The following VPS13B variants were observed in gnomAD, a reference collection of about 807,000 sequenced individuals.
VPS13B encodes the protein intermembrane lipid transfer protein VPS13B.
A neutral mutation model predicts 426.4 loss-of-function variants in VPS13B; 285 were observed. The ratio of observed to expected loss-of-function variants is 0.67; its 90% CI spans 0.61 to 0.74. VPS13B has a LOEUF of 0.74. Ranked by LOEUF, VPS13B falls within the 30% of genes least tolerant of loss-of-function variation. The probability of loss-of-function intolerance (pLI) is 0.00; values close to 1 mark genes in which losing one functional copy is unlikely to be tolerated. For missense variants in VPS13B, 4,537 were observed against 4,782.6 expected (o/e 0.95, Z 1.51); for synonymous variants, 1,676 against 1,676.4 (o/e 1.00, Z 0.01).
chr8:99,874,408 C>T (rs921287780), intron 61 of VPS13B, among the ~76,000 whole-genome samples: 6 of 152,134 alleles, frequency 3.9e-5, no homozygotes, highest in Non-Finnish European at 8.8e-5. Flanking sequence ...ATTCTTCTAG[C>T]AAGCCTCTTT....
chr8:99,677,270 A>G (rs559993737), intron 35 of VPS13B, among the ~76,000 whole-genome samples: 3 of 152,282 alleles, frequency 2.0e-5, no homozygotes, highest in Non-Finnish European at 2.9e-5. Context: ...TCCTGCCTCT[A>G]TCTTAATTCA....
Position 99,441,696 on chromosome 8 carries a change from C to A in VPS13B, c.3211-705C>A, listed in dbSNP as rs1427685488. Among the ~76,000 whole-genome samples the A allele has an allele frequency of 5.9e-5, 9 of 152,132 alleles. 1 individual carries two copies. In the South Asian group the frequency reaches 1.9e-3, roughly 32 times the overall value. ...ATCTTAACCTCTGAGGTCCTGGCAA[C>A]TTAATGTAACTCTACTGGGGATAGG... On this transcript the variant is annotated intron_variant, in intron 22 of 61. Coordinates refer to ENST00000357162, the MANE Select transcript of VPS13B (RefSeq NM_152564.5).
chr8:99,863,577 T>C (rs920977334), intron 58 of VPS13B, among the ~76,000 whole-genome samples: 10 of 152,018 alleles, frequency 6.6e-5, no homozygotes, highest in Admixed American at 1.3e-4. Flanking sequence ...TCCAGTCTCT[T>C]CCCAGTCAGA....
intron 19 of VPS13B, among the ~76,000 whole-genome samples, chr8:99,280,219 C>T (rs1364395358): frequency 1.3e-5 from 2 of 152,066 alleles, no homozygotes; most frequent in African/African-American, 4.8e-5. Flanking sequence ...TTCTCACAAC[C>T]ATCCTTACCC....
chr8:99,428,333 C>T (rs1299929009), intron 21 of VPS13B, among the ~76,000 whole-genome samples: 1 of 152,074 alleles, frequency 6.6e-6, no homozygotes, highest in Non-Finnish European at 1.5e-5. Context: ...AAGAAACTAC[C>T]ATCAGAGTGA....
chr8:99,518,265 G>T (rs1399954287), intron 29 of VPS13B, among the ~76,000 whole-genome samples: 1 of 152,128 alleles, frequency 6.6e-6, no homozygotes, highest in African/African-American at 2.4e-5. Context: ...TTGTGGTACG[G>T]TTTATTCTCC....
At chr8:99,207,685 AATAG>A (rs1814811016) in intron 17 of VPS13B, among the ~76,000 whole-genome samples, 1 of 152,214 alleles carries the variant, frequency 6.6e-6, no homozygotes, top group Non-Finnish European at 1.5e-5. Context: ...ATAAAATATT[AATAG>A]ATAAATGAGT....
At chr8:99,820,581 T>A (rs367568766) in intron 49 of VPS13B, among the ~76,000 whole-genome samples, 92 of 152,294 alleles carry the variant, frequency 6.0e-4, no homozygotes, top group Admixed American at 1.8e-3. Context: ...ATGTTCATAA[T>A]TATGGATGTC....
Position 99,103,123 on chromosome 8 carries a change from G to A in VPS13B, c.580+3G>A. On this transcript the variant is annotated splice_donor_region_variant and intron_variant, in intron 5 of 61. Transcript: ENST00000357162. ...TCGTGCATTCATGGATATTTCTGGT[G>A]AGTAAATATGGAGAATACCGTATAT... The A allele has an allele frequency of 6.2e-7, 1 of 1,613,642 alleles. No homozygotes were observed. The highest frequency in any genetic ancestry group is 1.1e-5 in the South Asian group (1 of 91,056).
intron 35 of VPS13B, among the ~76,000 whole-genome samples, chr8:99,680,876 A>T (rs1163663686): frequency 1.3e-5 from 2 of 152,158 alleles, no homozygotes; most frequent in Non-Finnish European, 2.9e-5. Context: ...TCTCTGTTGA[A>T]TAAAACTGTC....
intron 23 of VPS13B, among the ~76,000 whole-genome samples, chr8:99,454,209 G>C (rs1023599179): frequency 1.3e-5 from 2 of 152,008 alleles, no homozygotes; most frequent in Non-Finnish European, 2.9e-5. Flanking sequence ...TTTTGAGACA[G>C]GGTCTCATTC....
chr8:99,661,046 A>G (rs1192270625), intron 34 of VPS13B, among the ~76,000 whole-genome samples: 1 of 152,126 alleles, frequency 6.6e-6, no homozygotes, highest in African/African-American at 2.4e-5. Flanking sequence ...TCCAACCATT[A>G]AACTGTAAAC....
chr8:99,343,444 A>G (rs919256283), intron 19 of VPS13B, among the ~76,000 whole-genome samples: 1 of 152,016 alleles, frequency 6.6e-6, no homozygotes, highest in Non-Finnish European at 1.5e-5. Context: ...AGTTTTTTAT[A>G]TATTACCCCT....
chr8:99,535,390 T>G (rs2133706154), intron 30 of VPS13B, among the ~76,000 whole-genome samples: 1 of 152,334 alleles, frequency 6.6e-6, no homozygotes, highest in East Asian at 1.9e-4. Flanking sequence ...GTACTAGAAA[T>G]ACTTATCCTG....
intron 43 of VPS13B, among the ~76,000 whole-genome samples, chr8:99,794,752 CTT>C (rs1255752211): frequency 1.1e-4 from 16 of 152,158 alleles, no homozygotes; most frequent in Admixed American, 9.8e-4. Flanking sequence ...TTGTAGGTCT[CTT>C]TTTATTCTTA....
Position 99,462,271 on chromosome 8 carries a change from G to A in VPS13B, c.3446-5143G>A, listed in dbSNP as rs561690415. ...CTCTTTATTTTCTCCATGGTGGCAT[G>A]TAAGAATATCAAGATATCTTTTCAT... is the stretch of plus-strand genomic sequence containing the variant. On this transcript the variant is annotated intron_variant, in intron 23 of 61. Coordinates refer to ENST00000357162, the MANE Select transcript of VPS13B (RefSeq NM_152564.5). Among the ~76,000 whole-genome samples, 56 of 150,992 alleles carry A rather than the reference G, an allele frequency of 3.7e-4. 1 individual carries two copies. The South Asian group carries it at 0.011, about 31-fold the overall frequency.
chr8:99,745,650 G>A (rs1408777483), intron 39 of VPS13B, among the ~76,000 whole-genome samples: 1 of 152,088 alleles, frequency 6.6e-6, no homozygotes, highest in Non-Finnish European at 1.5e-5. Flanking sequence ...GTCTTGGAAT[G>A]TATCCCTCAT....
rs1563849907 is a variant in VPS13B, at chr8:99,661,425, G to A, written c.5980G>A (p.Asp1994Asn). 1 of 1,613,750 alleles carries A rather than the reference G, an allele frequency of 6.2e-7. No homozygotes were observed. Among genetic ancestry groups the A allele is most frequent in the Non-Finnish European group, 8.5e-7 (1 of 1,179,856 alleles). The change falls in exon 35 of 62, where the codon GAC becomes AAC. Residue 1994 changes from aspartate to asparagine, a missense_variant. Transcript: ENST00000357162. The part of the protein sequence containing the change: ...VWLQTVPGEI[D>N]SKSGIPPSFI... ...GCTACAGACAGTGCCTGGAGAAATAGACAGCAAAAGTGGTATTCCACCTTC... is the reference window on the plus strand; with the variant it reads ...GCTACAGACAGTGCCTGGAGAAATAAACAGCAAAAGTGGTATTCCACCTTC...
chr8:99,593,777 A>C (rs189555646), intron 33 of VPS13B, among the ~76,000 whole-genome samples: 2 of 152,254 alleles, frequency 1.3e-5, no homozygotes, highest in Admixed American at 6.5e-5. Context: ...TGGAGTTTAA[A>C]GCCATTATGC....
Sources: gnomAD v4.1 joint callset for allele counts (sites outside exome capture counted in the v4.1 genomes callset) on GRCh38, gnomAD v4.1.1 for gene constraint, MANE v1.5 for transcripts, NCBI Gene and HGNC (gene_info 2026-07-23, HGNC 2026-07-21) for gene names.